Variants in ANK3 observed in about 807,000 individuals in gnomAD.
The protein encoded by ANK3 is ankyrin-3.
In ANK3, 57 loss-of-function variants were observed where a neutral mutation model predicts 370.9. The observed-to-expected ratio is 0.15, with a 90% CI of 0.12 to 0.19. The LOEUF is 0.19. Ranked by LOEUF, ANK3 falls within the 10% of genes least tolerant of loss-of-function variation. The probability of loss-of-function intolerance (pLI) is 1.00; values close to 1 mark genes in which losing one functional copy is unlikely to be tolerated. For missense variants in ANK3, 4,439 were observed against 5,302.1 expected, an observed-to-expected ratio of 0.84 and a Z score of 5.06; for synonymous variants, 1,929 against 1,946.3, an observed-to-expected ratio of 0.99 and a Z score of 0.23.
At position 60,279,105 on chromosome 10, in the gene ANK3, A is replaced by G; in HGVS notation, c.260T>C (p.Val87Ala). 6.2e-7 allele frequency: 1 copy of G among 1,613,940 alleles called. No individual in the cohort carries two copies. Among genetic ancestry groups the G allele is most frequent in the South Asian group, 1.1e-5 (1 of 91,074 alleles). Residue 87 changes from valine (V) to alanine (A), a missense_variant, in exon 3 of 44, where the codon GTA (valine) becomes GCA (alanine). This residue lies in a region of ANK3 where 136 missense variants were observed against 230.5 expected (regional missense o/e 0.59). Coordinates refer to ENST00000280772, the MANE Select transcript of ANK3 (RefSeq NM_020987.5). The part of the protein sequence containing the change: ...ALHLASKEGH[V>A]EVVSELLQRE... Reference sequence around the variant, plus strand: ...CTGCAGCAGCTCAGAAACAACCTCTACATGGCCTTCTTTGGAAGCAAGGTG... The same window carrying G: ...CTGCAGCAGCTCAGAAACAACCTCTGCATGGCCTTCTTTGGAAGCAAGGTG...
intron 1 of ANK3, among the ~76,000 whole-genome samples, chr10:60,644,837 T>A (rs2078686797): frequency 4.0e-5 from 1 of 24,840 alleles, no homozygotes; most frequent in Non-Finnish European, 9.7e-5. Flanking sequence ...GTTAATTTAG[T>A]TAAAAGAAAA....
rs375493967 is a variant in ANK3 at position 60,072,985 on chromosome 10, C to T, written c.7896G>A (p.Glu2632=). 1 of 1,614,128 alleles carries T rather than the reference C, an allele frequency of 6.2e-7. No homozygotes were observed. Among genetic ancestry groups the T allele is most frequent in the Non-Finnish European group, 8.5e-7 (1 of 1,180,008 alleles). Residue 2632 remains glutamate, a synonymous_variant, in exon 37 of 44, where the codon GAG becomes GAA. Coordinates refer to ENST00000280772, the MANE Select transcript of ANK3 (RefSeq NM_020987.5). ...SSQSPTSSSP[E]KVLLTELLAS... is the part of the protein sequence containing the mutation. ...CCAGCAGTTCTGTCAGTAGCACTTT[C>T]TCAGGGCTGCTACTGGTAGGGCTTT...
At chr10:60,724,003 A>G (rs7097795) in intron 1 of ANK3, among the ~76,000 whole-genome samples, 38,283 of 136,764 alleles carry the variant, frequency 0.28, 5,673 homozygotes, top group South Asian at 0.42. Flanking sequence ...GAGGTCAGGA[A>G]ATCGAGACCA....
intron 2 of ANK3, among the ~76,000 whole-genome samples, chr10:60,487,228 C>A (rs1305527331): frequency 6.6e-6 from 1 of 152,096 alleles, no homozygotes; most frequent in African/African-American, 2.4e-5. Flanking sequence ...GTGTTTAGCA[C>A]AACACCTGGA....
chr10:60,203,132 T>A (rs1443648559), intron 11 of ANK3, 32 bp from the exon 12 acceptor site: 1 of 1,546,060 alleles, frequency 6.5e-7, no homozygotes, highest in African/African-American at 1.4e-5. Context: ...GGTGGTTTGT[T>A]GGCTTAGCAT....
chr10:60,402,806 T>A (rs2063378544), intron 2 of ANK3, among the ~76,000 whole-genome samples: 1 of 152,156 alleles, frequency 6.6e-6, no homozygotes, highest in Non-Finnish European at 1.5e-5. Flanking sequence ...CCTAGCAGAC[T>A]GGCAGGTAAC....
intron 7 of ANK3, among the ~76,000 whole-genome samples, chr10:60,239,086 T>C (rs2097379672): frequency 1.3e-5 from 2 of 152,070 alleles, no homozygotes; most frequent in Admixed American, 1.3e-4. Context: ...CTTTAAGTTA[T>C]TTAAAATAAA....
chr10:60,045,157 CTATTGGCTGTAACA>C (rs2076735710), intron 42 of ANK3, among the ~76,000 whole-genome samples: 1 of 152,158 alleles, frequency 6.6e-6, no homozygotes, highest in South Asian at 2.1e-4. Flanking sequence ...TGCTGCATCT[CTATTGGCTGTAACA>C]TATGGCAGTC....
chr10:60,048,180 A>G (rs2077260625), intron 42 of ANK3, among the ~76,000 whole-genome samples: 2 of 152,122 alleles, frequency 1.3e-5, no homozygotes, highest in Admixed American at 1.3e-4. Flanking sequence ...TAGCTCTGGG[A>G]GGGATGGAAC....
chr10:60,358,117 C>A (rs149947388), intron 1 of ANK3, among the ~76,000 whole-genome samples: 85 of 12,186 alleles, frequency 7.0e-3, no homozygotes, highest in Middle Eastern at 0.029. Flanking sequence ...CACACACACA[C>A]ACAAACACAC....
At chr10:60,379,412 ACTC>A (rs1264462742) in intron 1 of ANK3, among the ~76,000 whole-genome samples, 3 of 152,076 alleles carry the variant, frequency 2.0e-5, no homozygotes. Context: ...AGACATCTGC[ACTC>A]CTATGTTTTT....
intron 25 of ANK3, among the ~76,000 whole-genome samples, chr10:60,116,593 TA>T (rs56117415): frequency 0.28 from 41,262 of 148,890 alleles, 6,142 homozygotes; most frequent in East Asian, 0.65. Flanking sequence ...GACTACTTAT[TA>T]AAAAAAAAAG....
intron 2 of ANK3, among the ~76,000 whole-genome samples, chr10:60,409,324 C>G (rs1230467052): frequency 6.6e-6 from 1 of 152,154 alleles, no homozygotes; most frequent in Non-Finnish European, 1.5e-5. Context: ...ACCTTTCCCA[C>G]CAATTGGAAT....
chr10:60,608,002 T>C (rs2078150886), intron 2 of ANK3, among the ~76,000 whole-genome samples: 1 of 152,180 alleles, frequency 6.6e-6, no homozygotes, highest in Non-Finnish European at 1.5e-5. Context: ...CGAATTTTTC[T>C]GTTTTCCTTT....
At chr10:60,172,693 A>G (rs1029145436) in intron 20 of ANK3, among the ~76,000 whole-genome samples, 16 of 152,176 alleles carry the variant, frequency 1.1e-4, no homozygotes, top group Admixed American at 2.6e-4. Flanking sequence ...GTGACAATGC[A>G]GTAGGTAGTT....
At chr10:60,132,681 A>G (rs1218883588) in intron 25 of ANK3, among the ~76,000 whole-genome samples, 1 of 150,884 alleles carries the variant, frequency 6.6e-6, no homozygotes, top group Non-Finnish European at 1.5e-5. Flanking sequence ...CAGTGGTGCA[A>G]TCTTGGCTCA....
intron 12 of ANK3, among the ~76,000 whole-genome samples, chr10:60,202,422 C>T (rs2096696445): frequency 6.6e-6 from 1 of 152,296 alleles, no homozygotes; most frequent in Non-Finnish European, 1.5e-5. Flanking sequence ...CGTGCCCGGC[C>T]ACACTTTATT....
chr10:60,497,111 G>T (rs1290468815), intron 2 of ANK3, among the ~76,000 whole-genome samples: 3 of 152,106 alleles, frequency 2.0e-5, no homozygotes, highest in Non-Finnish European at 4.4e-5. Flanking sequence ...AGACCAGCCT[G>T]GGCAACATGG....
intron 2 of ANK3, among the ~76,000 whole-genome samples, chr10:60,431,279 G>A (rs2064015687): frequency 6.6e-6 from 1 of 152,152 alleles, no homozygotes; most frequent in South Asian, 2.1e-4. Context: ...CACACACATA[G>A]TTCACAGTAG....
Sources: gnomAD v4.1 joint callset for allele counts (sites outside exome capture counted in the v4.1 genomes callset) on GRCh38, gnomAD v4.1.1 for gene constraint, gnomAD v4.1.1 regional missense constraint, MANE v1.5 for transcripts, NCBI Gene and HGNC (gene_info 2026-07-23, HGNC 2026-07-21) for gene names.